Variants in SCAF1 observed in about 807,000 individuals in gnomAD.
The protein encoded by SCAF1 is splicing factor, arginine/serine-rich 19.
In SCAF1, 28 loss-of-function variants were observed where a neutral mutation model predicts 91.2. The ratio of observed to expected loss-of-function variants is 0.31; its 90% CI spans 0.23 to 0.42. SCAF1 has a LOEUF of 0.42. SCAF1 is among the 10% of genes least tolerant of loss of function. The pLI, the probability that SCAF1 is intolerant of heterozygous loss-of-function variation, is 1.00. For synonymous variants in SCAF1, 1,036 were observed against 833.7 expected (o/e 1.24, Z -4.18); for missense variants, 1,893 against 1,872.1 (o/e 1.01, Z -0.21).
At chr19:49,655,360 T>G (rs562533803) in intron 9 of SCAF1, among the ~76,000 whole-genome samples, 3 of 152,190 alleles carry the variant, frequency 2.0e-5, no homozygotes, top group Admixed American at 1.3e-4. Flanking sequence ...GGTCTAGATG[T>G]GGGTTTTTGT....
chr19:49,653,424 C>A lies in SCAF1; in HGVS notation c.3035C>A (p.Thr1012Asn). 1 of 1,549,364 alleles carries A rather than the reference C, an allele frequency of 6.5e-7. No homozygotes were observed. Among genetic ancestry groups the A allele is most frequent in the Non-Finnish European group, 8.7e-7 (1 of 1,146,838 alleles). ...PEVSFLPEEA[T>N]EEAGVRGGAE... ...GTCTCCTTCCTGCCCGAGGAGGCCACTGAGGAGGCTGGGGTCCGAGGTGGG... is the reference window on the plus strand; with the variant it reads ...GTCTCCTTCCTGCCCGAGGAGGCCAATGAGGAGGCTGGGGTCCGAGGTGGG... The change falls in exon 7 of 11, where the codon ACT becomes AAT. Residue 1012 changes from threonine (T) to asparagine (N), a missense_variant. This residue lies in a region of SCAF1 where 1,436 missense variants were observed against 1,306.8 expected (regional missense o/e 1.10). Transcript: ENST00000360565.
Position 49,651,123 on chromosome 19 carries a change from A to G in SCAF1, c.734A>G (p.Glu245Gly), listed in dbSNP as rs754388069. 3 of 1,610,708 alleles carry G rather than the reference A, an allele frequency of 1.9e-6. No individual in the cohort carries two copies. The highest frequency in any genetic ancestry group is 2.5e-6 in the Non-Finnish European group (3 of 1,179,144). Residue 245 changes from glutamate to glycine, a missense_variant, in exon 7 of 11, where the codon GAG becomes GGG. Physicochemically the swap from Glu to Gly is moderately conservative, Grantham distance 98 (BLOSUM62 -2). Around this residue, in one of 5 missense-constraint regions of SCAF1, gnomAD observed 80 missense variants for 116.6 expected, o/e 0.69. Coordinates refer to ENST00000360565, the MANE Select transcript of SCAF1 (RefSeq NM_021228.3). ...DEAYSPPPAP[E>G]QKYDPFEPTG... is the part of the protein sequence containing the mutation. Reference sequence around the variant, plus strand: ...GCCTACTCTCCACCGCCTGCTCCGGAGCAAAAGTACGACCCTTTTGAGCCC... The same window carrying G: ...GCCTACTCTCCACCGCCTGCTCCGGGGCAAAAGTACGACCCTTTTGAGCCC...
chr19:49,654,647 C>T lies in SCAF1; in HGVS notation c.3400-5C>T. On this transcript the variant is annotated splice_region_variant and splice_polypyrimidine_tract_variant and intron_variant, in intron 8 of 10. Coordinates refer to ENST00000360565, the MANE Select transcript of SCAF1 (RefSeq NM_021228.3). The stretch of plus-strand genomic sequence containing the variant: ...ACTCATCACCCCTCTGTCCTCGTCC[C>T]ACAGATCCTCAGCCACAGAAAGCCA... 6.2e-7 allele frequency: 1 copy of T among 1,610,020 alleles called. No homozygotes were observed. Among genetic ancestry groups the T allele is most frequent in the Non-Finnish European group, 8.5e-7 (1 of 1,177,220 alleles).
intron 6 of SCAF1, among the ~76,000 whole-genome samples, chr19:49,648,779 T>A (rs1373051643): frequency 6.6e-6 from 1 of 151,888 alleles, no homozygotes; most frequent in Non-Finnish European, 1.5e-5. Context: ...GAGACCATCC[T>A]GGCCAACATG....
chr19:49,654,630 C>G, intron 8 of SCAF1, 22 bp from the exon 9 acceptor site: 1 of 1,580,622 alleles, frequency 6.3e-7, no homozygotes, highest in South Asian at 1.1e-5. Context: ...TTACTCATCA[C>G]CCCTCTGTCC....
At position 49,653,333 on chromosome 19, in the gene SCAF1, G is replaced by A; in HGVS notation, c.2944G>A (p.Ala982Thr). ...KVPSTPPPKAAPPPPALTPDS... is the reference protein window; with the variant it reads ...KVPSTPPPKATPPPPALTPDS... ...TCCTAGCACCCCGCCCCCCAAGGCA[G>A]CCCCACCACCCCCTGCCCTCACTCC... Residue 982 changes from alanine (A) to threonine (T), a missense_variant, in exon 7 of 11, where the codon GCC (alanine) becomes ACC (threonine). Around this residue, in one of 5 missense-constraint regions of SCAF1, gnomAD observed 1,436 missense variants for 1,306.8 expected, o/e 1.10. Coordinates refer to ENST00000360565, the MANE Select transcript of SCAF1 (RefSeq NM_021228.3). The A allele has an allele frequency of 6.8e-7, 1 of 1,468,992 alleles. No homozygotes were observed. Among genetic ancestry groups the A allele is most frequent in the Admixed American group, 2.6e-5 (1 of 38,910 alleles). The allele number at this position is 1,468,992 out of a possible 1,614,324, so 91.0% of individuals were successfully genotyped here.
chr19:49,654,130 G>A (rs1359759058), intron 7 of SCAF1, among the ~76,000 whole-genome samples: 2 of 152,122 alleles, frequency 1.3e-5, no homozygotes, highest in Non-Finnish European at 2.9e-5. Context: ...CATGACCCTG[G>A]CCAACCCCGC....
At chr19:49,648,637 C>T (rs1470053255) in intron 6 of SCAF1, among the ~76,000 whole-genome samples, 1 of 145,894 alleles carries the variant, frequency 6.9e-6, no homozygotes, top group Non-Finnish European at 1.5e-5. Context: ...GGACTTATGA[C>T]ATTCTTAGGG....
In SCAF1 at chr19:49,645,291, G is replaced by A. The variant is rs547239153; in HGVS notation, c.109-63G>A. 5 of 1,572,054 alleles carry A rather than the reference G, an allele frequency of 3.2e-6. No individual in the cohort carries two copies. In the South Asian group the frequency reaches 4.4e-5, roughly 14 times the overall value. Reference sequence around the variant, plus strand: ...GTGTCTGGGATGTCTGTCTCCCAAGGGGCAGAGGTTGCAAAGCATCTGCCT... The same window carrying A: ...GTGTCTGGGATGTCTGTCTCCCAAGAGGCAGAGGTTGCAAAGCATCTGCCT... On this transcript the variant is annotated intron_variant, in intron 2 of 10. Coordinates refer to ENST00000360565, the MANE Select transcript of SCAF1 (RefSeq NM_021228.3). This position sits in a 1 kb window ranked among gnomAD's most constrained non-coding sequence, Gnocchi z 4.6.
At chr19:49,650,301 C>T (rs1234040209) in intron 6 of SCAF1, among the ~76,000 whole-genome samples, 1 of 152,210 alleles carries the variant, frequency 6.6e-6, no homozygotes, top group Non-Finnish European at 1.5e-5. Flanking sequence ...CACCCTCTAC[C>T]AAACGGGAGA....
chr19:49,650,761 C>A, intron 6 of SCAF1, 107 bp from the exon 7 acceptor site: 1 of 824,252 alleles, frequency 1.2e-6, no homozygotes, highest in Non-Finnish European at 1.9e-6. Context: ...TTGGGGCTTC[C>A]TGGGCAGGAC....
intron 6 of SCAF1, among the ~76,000 whole-genome samples, chr19:49,650,637 G>C (rs1245486303): frequency 6.6e-6 from 1 of 152,154 alleles, no homozygotes. Context: ...CTCTCTGTGT[G>C]CCCTTGGGGA....
intron 9 of SCAF1, 95 bp downstream of exon 9, chr19:49,654,965 C>G (rs928759121): frequency 2.0e-6 from 2 of 1,021,102 alleles, no homozygotes; most frequent in African/African-American, 3.2e-5. Flanking sequence ...GAAAGGGAGA[C>G]TGAGGCAGGG....
rs969931952 is a variant in SCAF1 at position 49,645,988 on chromosome 19, G to C, written c.167-120G>C. The C allele has an allele frequency of 4.8e-5, 42 of 878,668 alleles. No individual in the cohort carries two copies. Among genetic ancestry groups the C allele is most frequent in the South Asian group, 3.5e-4 (25 of 72,002 alleles). 54.4% of individuals were successfully genotyped at this position (878,668 alleles called of 1,614,324 possible). A position where few individuals can be genotyped will look rare whatever the true frequency, so the allele number is the denominator to read the frequency against. Reference sequence around the variant, plus strand: ...CTGGGAGGTGGCGCATGGAGGCCTGGAGAGCATGCGGGAGGCTGGTTCCGC... The same window carrying C: ...CTGGGAGGTGGCGCATGGAGGCCTGCAGAGCATGCGGGAGGCTGGTTCCGC... On this transcript the variant is annotated intron_variant, in intron 3 of 10. Coordinates refer to ENST00000360565, the MANE Select transcript of SCAF1 (RefSeq NM_021228.3). This position sits in a 1 kb window ranked among gnomAD's most constrained non-coding sequence, Gnocchi z 4.6.
rs1462812243 is a variant in SCAF1, at chr19:49,646,733, G to A, written c.381G>A (p.Glu127=). The A allele has an allele frequency of 6.2e-7, 1 of 1,614,052 alleles. No homozygotes were observed. The highest frequency in any genetic ancestry group is 1.1e-5 in the South Asian group (1 of 91,076). The change falls in exon 6 of 11, where the codon GAG becomes GAA. Residue 127 remains glutamate, a synonymous_variant. Coordinates refer to ENST00000360565, the MANE Select transcript of SCAF1 (RefSeq NM_021228.3). The surrounding 1 kb of genome is among the most constrained non-coding windows in gnomAD (Gnocchi z 5.6). ...LRPGESEDML[E]LVAEVRIGDR... ...CTTGCAGAAGTGAGGACATGCTGGAGCTGGTGGCTGAGGTCCGAATCGGGG... is the reference window on the plus strand; with the variant it reads ...CTTGCAGAAGTGAGGACATGCTGGAACTGGTGGCTGAGGTCCGAATCGGGG...
At position 49,654,812 on chromosome 19, in the gene SCAF1, C is replaced by T; in HGVS notation, c.3560C>T (p.Ala1187Val). The change falls in exon 9 of 11, where the codon GCC becomes GTC. Residue 1187 changes from alanine to valine, a missense_variant. Physicochemically the swap from Ala to Val is moderately conservative, Grantham distance 64. Around this residue, in one of 5 missense-constraint regions of SCAF1, gnomAD observed 1,436 missense variants for 1,306.8 expected, o/e 1.10. Transcript: ENST00000360565. ...STPPTPTGLA[A>V]TSDKREGSSS... The stretch of plus-strand genomic sequence containing the variant: ...CCCCCCACCCCCACCGGGCTGGCTG[C>T]CACGTCTGACAAGAGAGAGGGCAGC... The T allele has an allele frequency of 8.7e-6, 14 of 1,612,486 alleles. No homozygotes were observed. Among genetic ancestry groups the T allele is most frequent in the Non-Finnish European group, 1.2e-5 (14 of 1,179,260 alleles).
At chr19:49,647,222 G>T (rs551010310) in intron 6 of SCAF1, among the ~76,000 whole-genome samples, 160 of 152,364 alleles carry the variant, frequency 1.1e-3, no homozygotes, top group African/African-American at 3.7e-3. Flanking sequence ...GCCCTGGTGT[G>T]TCTGAGTCTG....
chr19:49,652,666 C>A lies in SCAF1; in HGVS notation c.2277C>A (p.Ser759=). Residue 759 remains serine, a synonymous_variant, in exon 7 of 11, where the codon TCC becomes TCA. Coordinates refer to ENST00000360565, the MANE Select transcript of SCAF1 (RefSeq NM_021228.3). Reference sequence around the variant, plus strand: ...GGCGCCGCTCGGGGGCCGCCTCCTCCTCCTCCTCTTCCCGGGAGAAGGGGT... The same window carrying A: ...GGCGCCGCTCGGGGGCCGCCTCCTCATCCTCCTCTTCCCGGGAGAAGGGGT... ...KDRRRSGAAS[S]SSSSREKGSR... 1 of 1,563,938 alleles carries A rather than the reference C, an allele frequency of 6.4e-7. No individual in the cohort carries two copies. The highest frequency in any genetic ancestry group is 1.2e-5 in the South Asian group (1 of 85,746).
At chr19:49,655,118 A>G (rs2081131372) in intron 9 of SCAF1, among the ~76,000 whole-genome samples, 1 of 152,116 alleles carries the variant, frequency 6.6e-6, no homozygotes, top group African/African-American at 2.4e-5. Context: ...CACCACATAT[A>G]CACACCCTGG....
Sources: gnomAD v4.1 joint callset for allele counts (sites outside exome capture counted in the v4.1 genomes callset) on GRCh38, gnomAD v4.1.1 for gene constraint, gnomAD v4.1.1 regional missense constraint, Gnocchi (gnomAD v3.1) non-coding constraint, MANE v1.5 for transcripts, NCBI Gene and HGNC (gene_info 2026-07-23, HGNC 2026-07-21) for gene names.